Variants in MSRA observed in about 807,000 individuals in gnomAD.
The protein encoded by MSRA is mitochondrial peptide methionine sulfoxide reductase.
In MSRA, 54 loss-of-function variants were observed where a neutral mutation model predicts 31.3. The ratio of observed to expected loss-of-function variants is 1.73; its 90% CI spans 1.39 to 2.17. The LOEUF is 2.17. Among genes scored for constraint, MSRA ranks in the 30% most tolerant of loss-of-function variants. The pLI, the probability that MSRA is intolerant of heterozygous loss-of-function variation, is 0.00. For synonymous variants in MSRA, 169 were observed against 116.5 expected, an observed-to-expected ratio of 1.45 and a Z score of -2.90; for missense variants, 507 against 300.9, an observed-to-expected ratio of 1.69 and a Z score of -5.07.
intron 5 of MSRA, among the ~76,000 whole-genome samples, chr8:10,374,937 C>T (rs1805674909): frequency 6.6e-6 from 1 of 151,984 alleles, no homozygotes; most frequent in African/African-American, 2.4e-5. Context: ...GAGCTTGGAC[C>T]CTCCTCCTCT....
chr8:10,301,029 G>A (rs150593531), intron 3 of MSRA, among the ~76,000 whole-genome samples: 4 of 152,244 alleles, frequency 2.6e-5, no homozygotes, highest in South Asian at 2.1e-4. Flanking sequence ...AGCACAGCAC[G>A]TATGTCCCTC....
At chr8:10,120,476 G>A (rs1469928964) in intron 1 of MSRA, among the ~76,000 whole-genome samples, 1 of 152,218 alleles carries the variant, frequency 6.6e-6, no homozygotes, top group Non-Finnish European at 1.5e-5. Flanking sequence ...AGCTCTCTGT[G>A]TATGGCTCAG....
Position 10,404,952 on chromosome 8 carries a change from A to C in MSRA, c.544-23196A>C, listed in dbSNP as rs947612728. On this transcript the variant is annotated intron_variant, in intron 5 of 5. Transcript: ENST00000317173. Reference sequence around the variant, plus strand: ...ATGGCTTTGGGCTTGGCCTGGACAGAACCCACGATGGCCGAGCTGCCTTAG... The same window carrying C: ...ATGGCTTTGGGCTTGGCCTGGACAGCACCCACGATGGCCGAGCTGCCTTAG... Among the ~76,000 whole-genome samples, 6 of 152,152 alleles carry C rather than the reference A, an allele frequency of 3.9e-5. No individual in the cohort carries two copies. In the South Asian group the frequency reaches 1.2e-3, roughly 32 times the overall value.
intron 2 of MSRA, among the ~76,000 whole-genome samples, chr8:10,208,595 C>A (rs1328202082): frequency 6.6e-6 from 1 of 152,006 alleles, no homozygotes; most frequent in Admixed American, 6.6e-5. Flanking sequence ...CTTACCTCTT[C>A]TTCTGTTGGG....
intron 1 of MSRA, among the ~76,000 whole-genome samples, chr8:10,066,407 A>G (rs1797456536): frequency 6.6e-6 from 1 of 152,224 alleles, no homozygotes; most frequent in Non-Finnish European, 1.5e-5. Context: ...CTTTCTCTGT[A>G]TTCATAAAAT....
At chr8:10,177,610 G>A (rs966157790) in intron 1 of MSRA, among the ~76,000 whole-genome samples, 2 of 152,154 alleles carry the variant, frequency 1.3e-5, no homozygotes, top group East Asian at 3.9e-4. Flanking sequence ...TTGCATGTAG[G>A]TATTTGCTAC....
chr8:10,199,984 G>T (rs936635464), intron 1 of MSRA, among the ~76,000 whole-genome samples: 1 of 152,226 alleles, frequency 6.6e-6, no homozygotes, highest in Non-Finnish European at 1.5e-5. Context: ...GTGGGTTACT[G>T]TGCTGGCTGG....
At chr8:10,200,647 C>T (rs1808411149) in intron 1 of MSRA, among the ~76,000 whole-genome samples, 1 of 152,156 alleles carries the variant, frequency 6.6e-6, no homozygotes, top group Non-Finnish European at 1.5e-5. Flanking sequence ...CAGTGACTCA[C>T]CCAGCACCAT....
At chr8:10,416,425 G>C (rs117532320) in intron 5 of MSRA, among the ~76,000 whole-genome samples, 3 of 152,318 alleles carry the variant, frequency 2.0e-5, no homozygotes, top group Admixed American at 2.0e-4. Flanking sequence ...CGATTCCATC[G>C]GGCCGTGGTG....
intron 5 of MSRA, chr8:10,411,095 A>C (rs1032764611): frequency 2.0e-5 from 3 of 151,790 alleles, no homozygotes; most frequent in Non-Finnish European, 2.9e-5. Flanking sequence ...TCTGACCTCC[A>C]CTCAGGTTTT....
chr8:10,283,044 C>G (rs1260269452), intron 3 of MSRA, among the ~76,000 whole-genome samples: 2 of 151,828 alleles, frequency 1.3e-5, no homozygotes. Flanking sequence ...CAAGAGCTTC[C>G]TTAAACCTGG....
At chr8:10,248,838 AG>A (rs1026452563) in intron 3 of MSRA, among the ~76,000 whole-genome samples, 2 of 152,222 alleles carry the variant, frequency 1.3e-5, no homozygotes, top group African/African-American at 4.8e-5. Flanking sequence ...AGAGAATACA[AG>A]GGGGCGGTCT....
intron 1 of MSRA, among the ~76,000 whole-genome samples, chr8:10,065,718 G>A (rs1406469651): frequency 6.6e-6 from 1 of 152,196 alleles, no homozygotes; most frequent in Non-Finnish European, 1.5e-5. Flanking sequence ...GCTTCATTTT[G>A]CGTGTACATT....
At chr8:10,127,982 A>C (rs1339613324) in intron 1 of MSRA, among the ~76,000 whole-genome samples, 2 of 152,012 alleles carry the variant, frequency 1.3e-5, no homozygotes, top group Non-Finnish European at 2.9e-5. Flanking sequence ...CACTGGGGCA[A>C]GTTGTGGACC....
At chr8:10,178,411 G>A (rs1252979103) in intron 1 of MSRA, among the ~76,000 whole-genome samples, 1 of 151,964 alleles carries the variant, frequency 6.6e-6, no homozygotes, top group Non-Finnish European at 1.5e-5. Flanking sequence ...GCAAGACAGC[G>A]AGACCCTGTC....
chr8:10,064,344 T>C (rs1296976314), intron 1 of MSRA, among the ~76,000 whole-genome samples: 1 of 152,188 alleles, frequency 6.6e-6, no homozygotes, highest in Admixed American at 6.5e-5. Flanking sequence ...AAAGGGGACA[T>C]AGGCTTTTGC....
intron 1 of MSRA, among the ~76,000 whole-genome samples, chr8:10,190,768 T>G (rs1487604605): frequency 6.6e-6 from 1 of 152,194 alleles, no homozygotes; most frequent in East Asian, 1.9e-4. Flanking sequence ...TTCTGTGACC[T>G]ATGGTTTTTG....
At chr8:10,059,455 G>A (rs1006794087) in intron 1 of MSRA, among the ~76,000 whole-genome samples, 1 of 152,150 alleles carries the variant, frequency 6.6e-6, no homozygotes, top group East Asian at 1.9e-4. Context: ...TAGTCAGTTT[G>A]GCTATAGAGT....
intron 1 of MSRA, among the ~76,000 whole-genome samples, chr8:10,161,333 G>C (rs1804627700): frequency 6.6e-6 from 1 of 152,242 alleles, no homozygotes. Flanking sequence ...CCTTGGGCAG[G>C]AATGGCACAA....
Sources: gnomAD v4.1 joint callset for allele counts (sites outside exome capture counted in the v4.1 genomes callset) on GRCh38, gnomAD v4.1.1 for gene constraint, MANE v1.5 for transcripts, NCBI Gene and HGNC (gene_info 2026-07-23, HGNC 2026-07-21) for gene names.